The following TMEM132C variants were observed in gnomAD, a reference collection of about 807,000 sequenced individuals.
TMEM132C encodes the protein protein phosphatase 1, regulatory subunit 152.
Under a neutral mutation model 61.4 loss-of-function variants are expected in TMEM132C, and 29 were observed. The ratio of observed to expected loss-of-function variants is 0.47; its 90% CI spans 0.35 to 0.64. The LOEUF (loss-of-function observed/expected upper bound fraction) is 0.64. Ranked by LOEUF, TMEM132C falls within the 30% of genes least tolerant of loss-of-function variation. The pLI, the probability that TMEM132C is intolerant of heterozygous loss-of-function variation, is 0.00. For missense variants in TMEM132C, 1,408 were observed against 1,476.9 expected, an observed-to-expected ratio of 0.95 and a Z score of 0.76; for synonymous variants, 656 against 633.1, an observed-to-expected ratio of 1.04 and a Z score of -0.54.
chr12:128,272,305 T>G (rs1870550731), intron 1 of TMEM132C, among the ~76,000 whole-genome samples: 1 of 152,238 alleles, frequency 6.6e-6, no homozygotes, highest in East Asian at 1.9e-4. Context: ...GGATCTGCTT[T>G]CTTCTACTTA....
Position 128,443,368 on chromosome 12 carries a change from A to G in TMEM132C, c.974+27748A>G, listed in dbSNP as rs1173177956. Among the ~76,000 whole-genome samples the G allele has an allele frequency of 2.6e-5, 4 of 152,282 alleles. No individual in the cohort carries two copies. The East Asian group carries it at 7.7e-4, about 29-fold the overall frequency. ...CAATGAAATCTCAGAAATCACCACT[A>G]AAGAACTTAACCATGAAACCAAAAA... On this transcript the variant is annotated intron_variant, in intron 2 of 8. Coordinates refer to ENST00000435159, the MANE Select transcript of TMEM132C (RefSeq NM_001136103.3).
chr12:128,575,394 G>A (rs1382974978), intron 3 of TMEM132C, among the ~76,000 whole-genome samples: 1 of 152,154 alleles, frequency 6.6e-6, no homozygotes, highest in Admixed American at 6.5e-5. Context: ...CAGGACAATT[G>A]CTTGAACCCA....
At chr12:128,697,504 G>T in intron 8 of TMEM132C, 89 bp downstream of exon 8, 1 of 1,328,792 alleles carries the variant, frequency 7.5e-7, no homozygotes, top group Non-Finnish European at 1.0e-6. Context: ...TGAGAAATGG[G>T]GGCAGGTTAG....
At chr12:128,464,369 A>G (rs1007262186) in intron 2 of TMEM132C, among the ~76,000 whole-genome samples, 1 of 152,196 alleles carries the variant, frequency 6.6e-6, no homozygotes, top group African/African-American at 2.4e-5. Context: ...GATATTCAGC[A>G]TGAGCCAGGT....
At chr12:128,376,455 A>C (rs1417676247) in intron 1 of TMEM132C, among the ~76,000 whole-genome samples, 1 of 152,236 alleles carries the variant, frequency 6.6e-6, no homozygotes, top group Non-Finnish European at 1.5e-5. Context: ...ATAAAGTGTC[A>C]ACTTTAGATA....
chr12:128,303,005 A>G (rs932847743), intron 1 of TMEM132C, among the ~76,000 whole-genome samples: 4 of 152,218 alleles, frequency 2.6e-5, no homozygotes, highest in African/African-American at 9.6e-5. Flanking sequence ...TCCAGATGGT[A>G]TTCTCCAACC....
intron 3 of TMEM132C, among the ~76,000 whole-genome samples, chr12:128,585,128 G>A (rs139331999): frequency 5.8e-4 from 88 of 152,350 alleles, no homozygotes; most frequent in African/African-American, 1.9e-3. Flanking sequence ...GTCTCTACAC[G>A]TACAGGCCGT....
chr12:128,321,011 A>G (rs1472293636), intron 1 of TMEM132C, among the ~76,000 whole-genome samples: 1 of 151,736 alleles, frequency 6.6e-6, no homozygotes, highest in Non-Finnish European at 1.5e-5. Flanking sequence ...ATTTAAGCAA[A>G]AGCAGACCTG....
In TMEM132C at chr12:128,474,377, C is replaced by T. The variant is rs527833614; in HGVS notation, c.974+58757C>T. Among the ~76,000 whole-genome samples the T allele has an allele frequency of 3.3e-5, 5 of 152,286 alleles. No individual in the cohort carries two copies. The East Asian group carries it at 5.8e-4, about 18-fold the overall frequency. On this transcript the variant is annotated intron_variant, in intron 2 of 8. Coordinates refer to ENST00000435159, the MANE Select transcript of TMEM132C (RefSeq NM_001136103.3). ...CCTGGATAGGCAGTACCCCAGCTCC[C>T]TCAATTGTTGCTCAAAGACCTCACT...
At chr12:128,538,313 G>A (rs1055248917) in intron 2 of TMEM132C, among the ~76,000 whole-genome samples, 2 of 152,080 alleles carry the variant, frequency 1.3e-5, no homozygotes, top group African/African-American at 2.4e-5. Flanking sequence ...CAGTAGAGAC[G>A]GGGTTTCACC....
chr12:128,289,029 A>G (rs1023243907), intron 1 of TMEM132C: 5 of 152,256 alleles, frequency 3.3e-5, no homozygotes, highest in African/African-American at 1.2e-4. Flanking sequence ...ATGCACACTC[A>G]CATTCACACA....
chr12:128,592,495 A>G (rs944345075), intron 3 of TMEM132C, among the ~76,000 whole-genome samples: 3 of 152,240 alleles, frequency 2.0e-5, no homozygotes, highest in Non-Finnish European at 4.4e-5. Flanking sequence ...AGTGAAGTTC[A>G]TTATCCTCCA....
chr12:128,629,835 G>A lies in TMEM132C; in HGVS notation c.1305+13500G>A, dbSNP rs1314385536. On this transcript the variant is annotated intron_variant, in intron 4 of 8. Coordinates refer to ENST00000435159, the MANE Select transcript of TMEM132C (RefSeq NM_001136103.3). ...ACAAAAATTAGCTGGGCGTGGTGGT[G>A]CACACCTGTAATCCCAGCTACTCGG... 2.0e-5 allele frequency among the ~76,000 whole-genome samples: 3 copies of A among 152,014 alleles called. No individual in the cohort carries two copies. The East Asian group carries it at 5.8e-4, about 29-fold the overall frequency.
At position 128,586,411 on chromosome 12, in the gene TMEM132C, A is replaced by G. The variant is rs553256433; in HGVS notation, c.1122-29741A>G. On this transcript the variant is annotated intron_variant, in intron 3 of 8. Transcript: ENST00000435159. Reference sequence around the variant, plus strand: ...TAAATATATAATATATATTATAAAGATCTATTTAGCCGTATATATTTAGCA... The same window carrying G: ...TAAATATATAATATATATTATAAAGGTCTATTTAGCCGTATATATTTAGCA... Among the ~76,000 whole-genome samples, 5 of 151,326 alleles carry G rather than the reference A, an allele frequency of 3.3e-5. No individual in the cohort carries two copies. The South Asian group carries it at 1.0e-3, about 31-fold the overall frequency.
At chr12:128,497,178 A>C (rs1002185534) in intron 2 of TMEM132C, among the ~76,000 whole-genome samples, 1 of 152,138 alleles carries the variant, frequency 6.6e-6, no homozygotes, top group African/African-American at 2.4e-5. Flanking sequence ...TTGCTGCCTG[A>C]TCGTTCCTCT....
chr12:128,560,235 A>T (rs544332429), intron 3 of TMEM132C, among the ~76,000 whole-genome samples: 124 of 152,288 alleles, frequency 8.1e-4, no homozygotes, highest in Non-Finnish European at 1.7e-3. Flanking sequence ...CAACAGAGGG[A>T]GATTCTGTCT....
intron 3 of TMEM132C, among the ~76,000 whole-genome samples, chr12:128,589,663 G>C (rs946633602): frequency 2.0e-5 from 3 of 152,186 alleles, no homozygotes; most frequent in Non-Finnish European, 2.9e-5. Flanking sequence ...CAGCACAGAG[G>C]CAGTAGAAGT....
chr12:128,547,871 ACAAACAC>A (rs1044221854), intron 3 of TMEM132C, among the ~76,000 whole-genome samples: 12 of 152,208 alleles, frequency 7.9e-5, no homozygotes, highest in African/African-American at 2.9e-4. Flanking sequence ...CTTCAAAGGC[ACAAACAC>A]CAAACACACA....
At chr12:128,325,104 G>A (rs1054723784) in intron 1 of TMEM132C, among the ~76,000 whole-genome samples, 4 of 152,286 alleles carry the variant, frequency 2.6e-5, no homozygotes, top group East Asian at 1.9e-4. Flanking sequence ...GAAGGGCAGC[G>A]GCTGCCCACA....
Sources: allele counts gnomAD v4.1 joint callset (sites outside exome capture counted in the v4.1 genomes callset), GRCh38; gene constraint gnomAD v4.1.1; transcripts MANE v1.5; gene names NCBI Gene and HGNC (gene_info 2026-07-23, HGNC 2026-07-21).